DACH2: variants seen among roughly 807,000 people sequenced by gnomAD.
DACH2 encodes dachshund homolog 2.
In DACH2, 17 loss-of-function variants were observed where a neutral mutation model predicts 35.8. The observed-to-expected ratio is 0.48, with a 90% CI of 0.33 to 0.71. The LOEUF is 0.71. Ranked by LOEUF, DACH2 falls within the 30% of genes least tolerant of loss-of-function variation. The pLI, the probability that DACH2 is intolerant of heterozygous loss-of-function variation, is 0.02. For synonymous variants in DACH2, 195 were observed against 177.3 expected (o/e 1.10, Z -0.79); for missense variants, 469 against 472.7 (o/e 0.99, Z 0.07).
At chrX:86,672,010 A>G (rs1167829528) in intron 4 of DACH2, among the ~76,000 whole-genome samples, 1 of 111,780 alleles carries the variant, frequency 8.9e-6, no homozygotes, top group Non-Finnish European at 1.9e-5. Flanking sequence ...AGGAAAGGTC[A>G]CTCTTGCTAT....
At position 86,450,485 on chromosome X, in the gene DACH2, AG is replaced by A. The variant is rs1266011923; in HGVS notation, c.528-63792del. Among the ~76,000 whole-genome samples the A allele has an allele frequency of 3.6e-5, 4 of 111,057 alleles. No homozygotes were observed. In the Admixed American group the frequency reaches 3.8e-4, roughly 11 times the overall value. On this transcript the variant is annotated intron_variant, in intron 2 of 11. Coordinates refer to ENST00000373125, the MANE Select transcript of DACH2 (RefSeq NM_053281.3). ...TCCAGTCTATCATTGATGGGGATTT[AG>A]GTTGATTCCATGTCTTTGCTATTGT... is the stretch of plus-strand genomic sequence containing the variant.
intron 3 of DACH2, among the ~76,000 whole-genome samples, chrX:86,574,333 C>T (rs914527383): frequency 7.2e-5 from 8 of 111,112 alleles, no homozygotes; most frequent in African/African-American, 1.3e-4. Context: ...TAATTTTTAC[C>T]AGCCAATTAA....
At chrX:86,744,689 C>T (rs1019710671) in intron 7 of DACH2, among the ~76,000 whole-genome samples, 1 of 111,541 alleles carries the variant, frequency 9.0e-6, no homozygotes, top group Non-Finnish European at 1.9e-5. Context: ...TGAGCTTTCA[C>T]GGCATTGATA....
At chrX:86,612,369 G>A (rs1433080246) in intron 3 of DACH2, among the ~76,000 whole-genome samples, 1 of 110,016 alleles carries the variant, frequency 9.1e-6, no homozygotes, top group Non-Finnish European at 1.9e-5. Context: ...CACAGGTTGT[G>A]TACCTCCCTA....
At position 86,454,729 on chromosome X, in the gene DACH2, G is replaced by A. The variant is rs144314779; in HGVS notation, c.528-59550G>A. On this transcript the variant is annotated intron_variant, in intron 2 of 11. Transcript: ENST00000373125. ...ATGGGTTACAACATGCTCCTTTAGC[G>A]CGGTGAAGTTTGTTATTATCCACCT... Among the ~76,000 whole-genome samples, 521 of 111,536 alleles carry A rather than the reference G, an allele frequency of 4.7e-3. 3 individuals carry two copies. The highest frequency in any genetic ancestry group is 0.016 in the African/African-American group (488 of 30,689).
At chrX:86,588,026 A>T (rs2039597034) in intron 3 of DACH2, among the ~76,000 whole-genome samples, 1 of 111,652 alleles carries the variant, frequency 9.0e-6, no homozygotes, top group Admixed American at 9.6e-5. Context: ...TCTTTAATTC[A>T]TCATGAGTTA....
intron 1 of DACH2, among the ~76,000 whole-genome samples, chrX:86,187,662 G>A (rs1170874819): frequency 9.0e-6 from 1 of 111,264 alleles, no homozygotes; most frequent in Non-Finnish European, 1.9e-5. Flanking sequence ...CTGGCCTCAA[G>A]TGATCTGCCC....
In DACH2 at chrX:86,590,662, A is replaced by G. The variant is rs1480707178; in HGVS notation, c.641-60374A>G. On this transcript the variant is annotated intron_variant, in intron 3 of 11. Transcript: ENST00000373125. ...TAATAATTTGCTTTCCGATGTTTCT[A>G]TCATTTTGCGTTCTCACTAGCTGTG... 2.7e-5 allele frequency among the ~76,000 whole-genome samples: 3 copies of G among 111,617 alleles called. No individual in the cohort carries two copies. In the East Asian group the frequency reaches 8.5e-4, roughly 32 times the overall value.
intron 1 of DACH2, among the ~76,000 whole-genome samples, chrX:86,246,970 A>T (rs889906573): frequency 2.4e-4 from 27 of 111,972 alleles, no homozygotes; most frequent in African/African-American, 8.8e-4. Context: ...CTCAAAGAAA[A>T]GGGATAGAGA....
intron 2 of DACH2, among the ~76,000 whole-genome samples, chrX:86,464,043 G>C (rs2037621961): frequency 9.0e-6 from 1 of 111,619 alleles, no homozygotes; most frequent in Non-Finnish European, 1.9e-5. Context: ...AGGATGTGGA[G>C]AAATGGGAAT....
At chrX:86,262,937 C>A (rs1226556985) in intron 1 of DACH2, 8 of 728,875 alleles carry the variant, frequency 1.1e-5, no homozygotes, top group African/African-American at 2.3e-5. Context: ...TCTCCCTCCA[C>A]ATTAAAACAA....
chrX:86,674,805 G>T (rs2040808371), intron 4 of DACH2, among the ~76,000 whole-genome samples: 1 of 110,540 alleles, frequency 9.0e-6, no homozygotes, highest in African/African-American at 3.3e-5. Context: ...AGCAATCTGG[G>T]CTCATCATCC....
chrX:86,428,768 T>A (rs758446317), intron 2 of DACH2, among the ~76,000 whole-genome samples: 8 of 109,345 alleles, frequency 7.3e-5, no homozygotes, highest in Non-Finnish European at 1.3e-4. Context: ...CTAGGTTTTT[T>A]GAAAAAAAAA....
intron 2 of DACH2, among the ~76,000 whole-genome samples, chrX:86,409,680 C>G (rs905447944): frequency 1.8e-5 from 2 of 111,659 alleles, no homozygotes; most frequent in African/African-American, 6.5e-5. Context: ...GAACCGTGAA[C>G]CAATCAAACC....
At chrX:86,274,486 C>CTTTTTTTTTTTT in intron 1 of DACH2, among the ~76,000 whole-genome samples, 2 of 12,176 alleles carry the variant, frequency 1.6e-4, no homozygotes, top group African/African-American at 1.2e-3. Flanking sequence ...GAGACGGAGT[C>CTTTTTTTTTTTT]TTTCTGTTTT....
chrX:86,617,110 A>G (rs1228067145), intron 3 of DACH2, among the ~76,000 whole-genome samples: 2 of 110,935 alleles, frequency 1.8e-5, no homozygotes, highest in Non-Finnish European at 3.8e-5. Context: ...ATTCTATTCC[A>G]TTGGTTTGTG....
At chrX:86,587,463 G>A (rs1464718710) in intron 3 of DACH2, among the ~76,000 whole-genome samples, 3 of 111,134 alleles carry the variant, frequency 2.7e-5, no homozygotes, top group Non-Finnish European at 5.7e-5. Flanking sequence ...AACACGGGTG[G>A]TTAGAGTGAT....
intron 1 of DACH2, among the ~76,000 whole-genome samples, chrX:86,214,044 T>C (rs760769391): frequency 6.3e-5 from 7 of 111,143 alleles, no homozygotes; most frequent in African/African-American, 2.3e-4. Flanking sequence ...ACTTTCCTTT[T>C]CAACATTTTT....
At chrX:86,795,952 C>T (rs1023477051) in intron 7 of DACH2, among the ~76,000 whole-genome samples, 7 of 110,543 alleles carry the variant, frequency 6.3e-5, no homozygotes, top group Non-Finnish European at 7.6e-5. Flanking sequence ...GTAGTGCGGA[C>T]CCAAAGAGTG....
Sources: allele counts gnomAD v4.1 joint callset (sites outside exome capture counted in the v4.1 genomes callset), GRCh38; gene constraint gnomAD v4.1.1; transcripts MANE v1.5; gene names NCBI Gene and HGNC (gene_info 2026-07-23, HGNC 2026-07-21).